The following BRWD1 variants were observed in gnomAD, a reference collection of about 807,000 sequenced individuals.
BRWD1 encodes the protein bromodomain and WD repeat-containing protein 1.
A neutral mutation model predicts 251.2 loss-of-function variants in BRWD1; 82 were observed. The ratio of observed to expected loss-of-function variants is 0.33; its 90% CI spans 0.27 to 0.39. The LOEUF (loss-of-function observed/expected upper bound fraction) is 0.39, where lower values mean the gene tolerates loss of function less well. Among genes scored for constraint, BRWD1 ranks in the 10% least tolerant of loss-of-function variants. The probability of loss-of-function intolerance (pLI) is 1.00; values close to 1 mark genes in which losing one functional copy is unlikely to be tolerated. For missense variants in BRWD1, 2,233 were observed against 2,711.6 expected (o/e 0.82, Z 3.92); for synonymous variants, 918 against 902.8 (o/e 1.02, Z -0.30).
intron 26 of BRWD1, 131 bp from the exon 27 acceptor site, chr21:39,228,713 G>A: frequency 4.0e-5 from 22 of 553,200 alleles, no homozygotes; most frequent in South Asian, 2.0e-4. Context: ...TATTTTAAAA[G>A]GTAAAACAGT....
At chr21:39,271,338 T>C (rs1216410360) in intron 13 of BRWD1, among the ~76,000 whole-genome samples, 2 of 151,374 alleles carry the variant, frequency 1.3e-5, no homozygotes, top group Non-Finnish European at 2.9e-5. Context: ...ATTACAGTAG[T>C]CAACAGTGGG....
Position 39,267,366 on chromosome 21 carries a change from C to A in BRWD1, c.1531-2347G>T, listed in dbSNP as rs931235559. On this transcript the variant is annotated intron_variant, in intron 15 of 40. Transcript: ENST00000342449. ...ATCCCAGCACTTTGGGAGGCCGAGG[C>A]GGGCGGATCACAAGGTCAGGAGATC... Among the ~76,000 whole-genome samples the A allele has an allele frequency of 1.7e-4, 26 of 152,172 alleles. 2 individuals carry two copies. Among genetic ancestry groups the A allele is most frequent in the African/African-American group, 6.3e-4 (26 of 41,522 alleles).
chr21:39,277,190 T>C, intron 11 of BRWD1, 61 bp downstream of exon 11: 5 of 1,229,806 alleles, frequency 4.1e-6, no homozygotes, highest in Non-Finnish European at 5.7e-6. Flanking sequence ...CAATGCCCCT[T>C]AGCAATAACA....
chr21:39,236,570 A>G, intron 23 of BRWD1, 25 bp downstream of exon 23: 1 of 1,530,988 alleles, frequency 6.5e-7, no homozygotes, highest in East Asian at 2.3e-5. Context: ...GATACATGCT[A>G]TTTTTAAAGA....
chr21:39,257,793 T>G (rs888134647), intron 18 of BRWD1, among the ~76,000 whole-genome samples: 1 of 151,940 alleles, frequency 6.6e-6, no homozygotes, highest in Non-Finnish European at 1.5e-5. Context: ...AAAAAACACA[T>G]AGGAATGTGT....
rs777983274 is a variant in BRWD1 at position 39,293,804 on chromosome 21, A to G, written c.831+7T>C. 2.6e-5 allele frequency: 42 copies of G among 1,610,732 alleles called. No individual in the cohort carries two copies. The South Asian group carries it at 4.3e-4, about 16-fold the overall frequency. ...ATAGGAATGTGCCCACTAAGCTACA[A>G]GTTTACCTGTAAAGATGTAATTGAT... On this transcript the variant is annotated splice_region_variant and intron_variant, in intron 8 of 40. Transcript: ENST00000342449.
chr21:39,185,283 C>A (rs2031150262), downstream of BRWD1: 1 of 71,828 alleles, frequency 1.4e-5, no homozygotes, highest in Non-Finnish European at 2.9e-5. Context: ...TCTTTCATTA[C>A]ACTGAAATTG....
intron 13 of BRWD1, among the ~76,000 whole-genome samples, chr21:39,274,074 C>T (rs1280930084): frequency 6.6e-6 from 1 of 152,050 alleles, no homozygotes; most frequent in Non-Finnish European, 1.5e-5. Context: ...TTAATTTTAT[C>T]TTTTTTACTT....
At chr21:39,282,959 CAAAA>C (rs71269097) in intron 8 of BRWD1, among the ~76,000 whole-genome samples, 4 of 88,900 alleles carry the variant, frequency 4.5e-5, no homozygotes, top group Admixed American at 1.4e-4. Flanking sequence ...AACTCCGTCA[CAAAA>C]AAAAAAAAAA....
chr21:39,306,050 G>A lies in BRWD1; in HGVS notation c.198+6791C>T, dbSNP rs144551381. On this transcript the variant is annotated intron_variant, in intron 4 of 40. Coordinates refer to ENST00000342449, the MANE Select transcript of BRWD1 (RefSeq NM_033656.4). ...ACCCAAACTCAAAAAACAAAGAATTGAGACTAGTTATCTTTAAGTATCTTT... is the reference window on the plus strand; with the variant it reads ...ACCCAAACTCAAAAAACAAAGAATTAAGACTAGTTATCTTTAAGTATCTTT... Among the ~76,000 whole-genome samples, 34 of 151,114 alleles carry A rather than the reference G, an allele frequency of 2.2e-4. No homozygotes were observed. In the East Asian group the frequency reaches 4.9e-3, roughly 22 times the overall value.
rs913220498 is a variant in BRWD1 at position 39,225,340 on chromosome 21, A to C, written c.3209-143T>G. The C allele has an allele frequency of 6.8e-6, 4 of 586,114 alleles. No homozygotes were observed. In the African/African-American group the frequency reaches 7.5e-5, roughly 11 times the overall value. The allele number at this position is 586,114 out of a possible 1,614,324, so 36.3% of individuals were successfully genotyped here. ...GGCAAGCAGCGCTCCTAAACAAACCAAGAAAAATATGGCATAAAAAATTTA... is the reference window on the plus strand; with the variant it reads ...GGCAAGCAGCGCTCCTAAACAAACCCAGAAAAATATGGCATAAAAAATTTA... On this transcript the variant is annotated intron_variant, in intron 27 of 40. Transcript: ENST00000342449.
chr21:39,228,652 C>A, intron 26 of BRWD1, 70 bp from the exon 27 acceptor site: 1 of 798,812 alleles, frequency 1.3e-6, no homozygotes, highest in Non-Finnish European at 2.1e-6. Context: ...GCAGCACTGT[C>A]CAAAAGAAAC....
At position 39,319,583 on chromosome 21, in the gene BRWD1, A is replaced by G. The variant is rs552961087; in HGVS notation, n.534+1443T>C. Reference sequence around the variant, plus strand: ...TAAAATAAGCATGACAACTAATAACATTTATTGGATATGTTTGTATGCTGG... The same window carrying G: ...TAAAATAAGCATGACAACTAATAACGTTTATTGGATATGTTTGTATGCTGG... On this transcript the variant is annotated intron_variant and non_coding_transcript_variant, in intron 1 of 4. Coordinates refer to the BRWD1 transcript ENST00000470108. Among the ~76,000 whole-genome samples the G allele has an allele frequency of 2.6e-5, 4 of 152,314 alleles. No individual in the cohort carries two copies. In the South Asian group the frequency reaches 6.2e-4, roughly 24 times the overall value.
rs373611729 is a variant in BRWD1, at chr21:39,271,652, G to A, written c.1245-1219C>T. ...GCGGAACTTACAGTGAGCCAAGATC[G>A]CACCACTGCACTCCAGCCTGGGCAA... On this transcript the variant is annotated intron_variant, in intron 13 of 40. Transcript: ENST00000342449. 2.6e-3 allele frequency among the ~76,000 whole-genome samples: 315 copies of A among 121,376 alleles called. 2 individuals are homozygous for A. The highest frequency in any genetic ancestry group is 9.6e-3 in the African/African-American group (296 of 30,794). The allele number at this position is 121,376 out of a possible 152,430, so 79.6% of individuals were successfully genotyped here.
At chr21:39,264,206 ATC>A (rs1415941896) in intron 17 of BRWD1, among the ~76,000 whole-genome samples, 1 of 152,168 alleles carries the variant, frequency 6.6e-6, no homozygotes, top group Admixed American at 6.6e-5. Flanking sequence ...TAATAGTATT[ATC>A]TGAGTGTAAA....
At chr21:39,217,079 A>AT (rs2032972779) in intron 31 of BRWD1, 5 of 11,666 alleles carry the variant, frequency 4.3e-4, no homozygotes, top group Non-Finnish European at 7.7e-4. Context: ...ATATATATAT[A>AT]TATATTTTTT....
chr21:39,224,966 T>C, intron 28 of BRWD1, 120 bp downstream of exon 28: 3 of 739,466 alleles, frequency 4.1e-6, no homozygotes, highest in Admixed American at 4.5e-5. Context: ...CGGGTCAGCC[T>C]GACATGACTT....
At chr21:39,291,420 A>C (rs533186114) in intron 8 of BRWD1, among the ~76,000 whole-genome samples, 1 of 152,342 alleles carries the variant, frequency 6.6e-6, no homozygotes, top group African/African-American at 2.4e-5. Flanking sequence ...ACCAAACGTT[A>C]AGTTTCAAAA....
At chr21:39,306,375 T>A (rs958789044) in intron 4 of BRWD1, among the ~76,000 whole-genome samples, 1 of 152,120 alleles carries the variant, frequency 6.6e-6, no homozygotes, top group African/African-American at 2.4e-5. Context: ...GGCCTAGATA[T>A]CTTTAAATAT....
Sources: allele counts gnomAD v4.1 joint callset (sites outside exome capture counted in the v4.1 genomes callset), GRCh38; gene constraint gnomAD v4.1.1; transcripts MANE v1.5; gene names NCBI Gene and HGNC (gene_info 2026-07-23, HGNC 2026-07-21).